The following COL4A5 variants were observed in gnomAD, a reference collection of about 807,000 sequenced individuals.
The protein encoded by COL4A5 is collagen alpha-5(IV) chain.
In COL4A5, 26 loss-of-function variants were observed where a neutral mutation model predicts 130.2. The ratio of observed to expected loss-of-function variants is 0.20; its 90% CI spans 0.15 to 0.28. The LOEUF (loss-of-function observed/expected upper bound fraction) is 0.28. Ranked by LOEUF, COL4A5 falls within the 10% of genes least tolerant of loss-of-function variation. The pLI is 1.00. For missense variants in COL4A5, 1,131 were observed against 1,344.3 expected (o/e 0.84, Z 2.48); for synonymous variants, 496 against 439.6 (o/e 1.13, Z -1.60).
intron 1 of COL4A5, among the ~76,000 whole-genome samples, chrX:108,460,668 TTTTTTTTTTTTTTTTTTTTA>T (rs1396136850): frequency 3.0e-4 from 25 of 82,026 alleles, no homozygotes; most frequent in Non-Finnish European, 5.4e-4. Flanking sequence ...TTTTTTTTTT[TTTTTTTTTTTTTTTTTTTTA>T]GTAGAGATGC....
At chrX:108,524,152 T>C (rs2065291058) in intron 1 of COL4A5, among the ~76,000 whole-genome samples, 1 of 111,957 alleles carries the variant, frequency 8.9e-6, no homozygotes, top group African/African-American at 3.2e-5. Flanking sequence ...AAAATTTGCA[T>C]AGGGATTGTT....
At chrX:108,536,395 A>C (rs2065457703) in intron 1 of COL4A5, among the ~76,000 whole-genome samples, 1 of 110,445 alleles carries the variant, frequency 9.1e-6, no homozygotes, top group Non-Finnish European at 1.9e-5. Context: ...ATAATACAAA[A>C]CTTTCCTTAC....
chrX:108,669,748 C>A (rs1277347745), intron 41 of COL4A5, among the ~76,000 whole-genome samples: 1 of 111,831 alleles, frequency 8.9e-6, no homozygotes, highest in African/African-American at 3.2e-5. Flanking sequence ...CACTGTTGAA[C>A]CTTACTTTGA....
chrX:108,631,951 A>T (rs2067268975), intron 36 of COL4A5, among the ~76,000 whole-genome samples: 1 of 111,150 alleles, frequency 9.0e-6, no homozygotes, highest in African/African-American at 3.3e-5. Context: ...TTCAAAAGCT[A>T]GCAGAAGGCA....
chrX:108,455,692 A>G (rs2064577933), intron 1 of COL4A5, among the ~76,000 whole-genome samples: 1 of 112,125 alleles, frequency 8.9e-6, no homozygotes, highest in South Asian at 3.7e-4. Flanking sequence ...CATTTTTCTT[A>G]TATAGATACC....
intron 1 of COL4A5, among the ~76,000 whole-genome samples, chrX:108,476,470 C>G (rs960589369): frequency 1.9e-5 from 2 of 105,233 alleles, no homozygotes; most frequent in African/African-American, 6.9e-5. Flanking sequence ...TTATTATTGA[C>G]TATAGTCATC....
intron 1 of COL4A5, among the ~76,000 whole-genome samples, chrX:108,500,514 G>A (rs1221689546): frequency 8.9e-6 from 1 of 112,145 alleles, no homozygotes; most frequent in African/African-American, 3.2e-5. Context: ...AAAGGGAGAT[G>A]AAAATTACTT....
chrX:108,596,638 T>G (rs765329370), intron 22 of COL4A5, among the ~76,000 whole-genome samples: 1 of 111,838 alleles, frequency 8.9e-6, no homozygotes, highest in African/African-American at 3.3e-5. Flanking sequence ...TATTCAAACC[T>G]TTTCATTATC....
chrX:108,512,426 TTCAC>T (rs2065186356), intron 1 of COL4A5, among the ~76,000 whole-genome samples: 1 of 112,591 alleles, frequency 8.9e-6, no homozygotes, highest in Non-Finnish European at 1.9e-5. Flanking sequence ...ATGTAAGACT[TTCAC>T]TCAGTATGCT....
intron 1 of COL4A5, among the ~76,000 whole-genome samples, chrX:108,474,497 A>T (rs1280407056): frequency 8.9e-6 from 1 of 112,124 alleles, no homozygotes; most frequent in Admixed American, 9.5e-5. Context: ...ACACTCTATG[A>T]TGTTTGCACA....
intron 30 of COL4A5, among the ~76,000 whole-genome samples, chrX:108,617,675 G>T (rs2066955022): frequency 9.0e-6 from 1 of 111,473 alleles, no homozygotes; most frequent in Non-Finnish European, 1.9e-5. Context: ...TATTTTCTTT[G>T]GCCATTACCT....
chrX:108,621,920 T>A, intron 32 of COL4A5, 28 bp downstream of exon 32: 1 of 1,046,586 alleles, frequency 9.6e-7, no homozygotes, highest in Non-Finnish European at 1.3e-6. Context: ...CTGCCAGACG[T>A]ATGTGAGAGG....
At chrX:108,446,796 C>T (rs2064457131) in intron 1 of COL4A5, among the ~76,000 whole-genome samples, 1 of 111,718 alleles carries the variant, frequency 9.0e-6, no homozygotes, top group African/African-American at 3.3e-5. Flanking sequence ...GAATAATTCT[C>T]ATTGCCCTTT....
intron 36 of COL4A5, among the ~76,000 whole-genome samples, chrX:108,643,623 T>C (rs1312436287): frequency 9.0e-6 from 1 of 111,565 alleles, no homozygotes; most frequent in African/African-American, 3.3e-5. Flanking sequence ...CTAAGCATCA[T>C]ATATTAAGGA....
intron 2 of COL4A5, among the ~76,000 whole-genome samples, chrX:108,545,240 G>T (rs1186224190): frequency 9.0e-6 from 1 of 111,091 alleles, no homozygotes; most frequent in Non-Finnish European, 1.9e-5. Context: ...TCTCTTGTGG[G>T]CATTTAGTGC....
intron 28 of COL4A5, 130 bp from the exon 29 acceptor site, chrX:108,606,612 A>C (rs1159742969): frequency 1.4e-6 from 1 of 694,112 alleles, no homozygotes; most frequent in East Asian, 3.3e-5. Context: ...TTATTTAATT[A>C]TCTTCTCCTC....
chrX:108,482,465 C>G (rs1360515639), intron 1 of COL4A5, among the ~76,000 whole-genome samples: 1 of 111,175 alleles, frequency 9.0e-6, no homozygotes, highest in African/African-American at 3.3e-5. Context: ...CAGCATGGGT[C>G]AGGGAGGGGA....
chrX:108,530,733 T>C (rs1168406708), intron 1 of COL4A5, among the ~76,000 whole-genome samples: 1 of 95,133 alleles, frequency 1.1e-5, no homozygotes, highest in African/African-American at 3.9e-5. Context: ...TGTGGAGAAA[T>C]AGGAACACTT....
intron 36 of COL4A5, chrX:108,627,382 T>TTA: frequency 1.4e-6 from 1 of 729,646 alleles, no homozygotes; most frequent in Non-Finnish European, 1.6e-6. Context: ...TTCTATACAT[T>TTA]TATATATATG....
Sources: allele counts gnomAD v4.1 joint callset (sites outside exome capture counted in the v4.1 genomes callset), GRCh38; gene constraint gnomAD v4.1.1; transcripts MANE v1.5; gene names NCBI Gene and HGNC (gene_info 2026-07-23, HGNC 2026-07-21).